Variants in CLASP2 observed in about 807,000 individuals in gnomAD.
CLASP2 encodes the protein cytoplasmic linker associated protein 2.
CLASP2 carries 47 observed loss-of-function variants against 194.4 expected under a neutral mutation model. That is an observed-to-expected ratio of 0.24 (90% CI 0.19 to 0.31). CLASP2 has a LOEUF of 0.31. Ranked by LOEUF, CLASP2 falls within the 10% of genes least tolerant of loss-of-function variation. The probability of loss-of-function intolerance (pLI) is 1.00; values close to 1 mark genes in which losing one functional copy is unlikely to be tolerated. For synonymous variants in CLASP2, 619 were observed against 633.5 expected (o/e 0.98, Z 0.34); for missense variants, 1,445 against 1,823.6 (o/e 0.79, Z 3.78).
At chr3:33,526,080 CTT>C (rs530958434) in intron 34 of CLASP2, among the ~76,000 whole-genome samples, 17 of 144,298 alleles carry the variant, frequency 1.2e-4, no homozygotes, top group Admixed American at 1.4e-4. Context: ...GCTGCTTCTT[CTT>C]TTTTTTTTTT....
rs186749622 is a variant in CLASP2 at position 33,708,517 on chromosome 3, T to C, written c.195+9291A>G. Among the ~76,000 whole-genome samples the C allele has an allele frequency of 6.4e-3, 729 of 113,044 alleles. 5 individuals are homozygous for C. The highest frequency in any genetic ancestry group is 0.011 in the Admixed American group (107 of 9,710). The allele number at this position is 113,044 out of a possible 152,430, so 74.2% of individuals were successfully genotyped here. On this transcript the variant is annotated intron_variant, in intron 1 of 38. Transcript: ENST00000682230. Reference sequence around the variant, plus strand: ...ATATATATATATATGTATATATATGTATATATGTATATATATATGTATATA... The same window carrying C: ...ATATATATATATATGTATATATATGCATATATGTATATATATATGTATATA...
intron 30 of CLASP2, among the ~76,000 whole-genome samples, chr3:33,546,663 G>A (rs1576244658): frequency 6.6e-6 from 1 of 152,118 alleles, no homozygotes; most frequent in East Asian, 1.9e-4. Flanking sequence ...ATTTTCTAGT[G>A]ATTTCTTACA....
At position 33,606,874 on chromosome 3, in the gene CLASP2, A is replaced by T. The variant is rs115269715; in HGVS notation, c.1527-116T>A. 5.2e-3 allele frequency: 3,871 copies of T among 747,850 alleles called. 104 individuals carry two copies. The African/African-American group carries it at 0.061, about 12-fold the overall frequency. The allele number at this position is 747,850 out of a possible 1,614,324, so 46.3% of individuals were successfully genotyped here. ...GCCCACTGGTTTTCAGCATTATCTGATATTTGTCAGGTGAACACTTTCTAA... is the reference window on the plus strand; with the variant it reads ...GCCCACTGGTTTTCAGCATTATCTGTTATTTGTCAGGTGAACACTTTCTAA... On this transcript the variant is annotated intron_variant, in intron 15 of 38. Transcript: ENST00000682230.
At chr3:33,667,861 T>C (rs1254062043) in intron 6 of CLASP2, among the ~76,000 whole-genome samples, 2 of 152,218 alleles carry the variant, frequency 1.3e-5, no homozygotes, top group Non-Finnish European at 1.5e-5. Context: ...GCTAGTACCA[T>C]ACCACCAGAA....
At chr3:33,634,524 G>T (rs1559472832) in intron 8 of CLASP2, among the ~76,000 whole-genome samples, 1 of 152,152 alleles carries the variant, frequency 6.6e-6, no homozygotes, top group Non-Finnish European at 1.5e-5. Context: ...CTCACACACT[G>T]GTGTAGACAG....
At chr3:33,689,039 C>T (rs1402407772) in intron 3 of CLASP2, among the ~76,000 whole-genome samples, 6 of 152,024 alleles carry the variant, frequency 3.9e-5, no homozygotes, top group Admixed American at 2.6e-4. Context: ...CACCTTTACC[C>T]TTTACTAAAT....
intron 2 of CLASP2, among the ~76,000 whole-genome samples, chr3:33,690,471 G>GTAA (rs2154348047): frequency 1.3e-5 from 2 of 152,296 alleles, no homozygotes; most frequent in South Asian, 4.2e-4. Flanking sequence ...AGGGCACAGA[G>GTAA]TAAGCACTTT....
chr3:33,627,835 G>C (rs750478205), intron 9 of CLASP2, among the ~76,000 whole-genome samples: 4 of 152,132 alleles, frequency 2.6e-5, no homozygotes, highest in Non-Finnish European at 5.9e-5. Context: ...GAATGTGTAG[G>C]ATATCATTAG....
At chr3:33,568,553 C>CAAAA (rs568821764) in intron 26 of CLASP2, among the ~76,000 whole-genome samples, 15 of 56,828 alleles carry the variant, frequency 2.6e-4, no homozygotes, top group South Asian at 7.0e-4. Context: ...GATCTTGTCT[C>CAAAA]AAAAAAAAAA....
intron 25 of CLASP2, among the ~76,000 whole-genome samples, 180 bp downstream of exon 25, chr3:33,572,930 T>C (rs2064088436): frequency 6.6e-6 from 1 of 150,900 alleles, no homozygotes; most frequent in Admixed American, 6.6e-5. Flanking sequence ...TTTTTTTTTT[T>C]AGTAATGAAA....
At chr3:33,556,911 T>C (rs1053386589) in intron 29 of CLASP2, among the ~76,000 whole-genome samples, 6 of 152,178 alleles carry the variant, frequency 3.9e-5, no homozygotes, top group African/African-American at 1.4e-4. Flanking sequence ...ATCTTCGCTT[T>C]GTCTTTCTCT....
chr3:33,684,462 A>T lies in CLASP2; in HGVS notation c.547-6T>A. ...AATATTGCAGCATCTCTCACCTGTC[A>T]AAGAATTCAGAACTTTTTAATAAAC... On this transcript the variant is annotated splice_polypyrimidine_tract_variant and splice_region_variant and intron_variant, in intron 5 of 38. Transcript: ENST00000682230. The T allele has an allele frequency of 6.4e-7, 1 of 1,565,584 alleles. No homozygotes were observed. Among genetic ancestry groups the T allele is most frequent in the Admixed American group, 1.8e-5 (1 of 54,794 alleles).
intron 29 of CLASP2, among the ~76,000 whole-genome samples, chr3:33,552,199 A>C (rs1576328981): frequency 1.3e-5 from 2 of 148,516 alleles, no homozygotes; most frequent in African/African-American, 5.0e-5. Flanking sequence ...GCTCACTGAA[A>C]CCTCCGTCTC....
At position 33,688,283 on chromosome 3, in the gene CLASP2, A is replaced by T; in HGVS notation, c.464T>A (p.Leu155Ter). The change falls in exon 4 of 39, where the codon TTA (leucine) becomes TAA (stop). Residue 155 changes from leucine (L) to a stop codon, truncating the protein, a stop_gained. Coordinates refer to ENST00000682230, the MANE Select transcript of CLASP2 (RefSeq NM_001365631.1). LOFTEE classifies it high-confidence loss of function. The stretch of plus-strand genomic sequence containing the variant: ...CAGTAATCATAAAACTTACATGTTT[A>T]AGGTTTCAATAAGACACAGACACAC... ...EGVCLCLIET[L>*]NIFGAQPLVI... 6.4e-7 allele frequency: 1 copy of T among 1,564,400 alleles called. No individual in the cohort carries two copies. The highest frequency in any genetic ancestry group is 8.6e-7 in the Non-Finnish European group (1 of 1,156,952).
At chr3:33,676,907 A>T (rs2088777725) in intron 6 of CLASP2, among the ~76,000 whole-genome samples, 1 of 152,246 alleles carries the variant, frequency 6.6e-6, no homozygotes, top group Admixed American at 6.5e-5. Context: ...ATGAACAGAC[A>T]CTTCTCAAAA....
At chr3:33,601,352 A>C (rs1403889260) in intron 18 of CLASP2, among the ~76,000 whole-genome samples, 1 of 152,106 alleles carries the variant, frequency 6.6e-6, no homozygotes, top group East Asian at 1.9e-4. Flanking sequence ...TATTTGTTTG[A>C]TTATAGCTAA....
rs756616280 is a variant in CLASP2 at position 33,603,052 on chromosome 3, A to G, written c.1824T>C (p.Asn608=). ...GATGTGCCTTGGCACCTGCAGCAGC[A>G]TTCACATCAATGTCACTTCGTGAAC... The part of the protein sequence containing the change: ...LQRSRSDIDV[N]AAAGAKAHHA... Residue 608 remains asparagine (N), a synonymous_variant, in exon 18 of 39, where the codon AAT becomes AAC. Coordinates refer to ENST00000682230, the MANE Select transcript of CLASP2 (RefSeq NM_001365631.1). 6.2e-7 allele frequency: 1 copy of G among 1,602,352 alleles called. No individual in the cohort carries two copies. The highest frequency in any genetic ancestry group is 8.5e-7 in the Non-Finnish European group (1 of 1,174,090).
intron 7 of CLASP2, among the ~76,000 whole-genome samples, chr3:33,646,307 T>A (rs1004135174): frequency 3.0e-4 from 46 of 151,962 alleles, no homozygotes; most frequent in Admixed American, 3.0e-3. Context: ...AAATAGACAC[T>A]CTAAAGTCAC....
intron 1 of CLASP2, among the ~76,000 whole-genome samples, chr3:33,712,103 G>A (rs770156816): frequency 6.6e-6 from 1 of 152,158 alleles, no homozygotes; most frequent in Non-Finnish European, 1.5e-5. Flanking sequence ...GCAAAGATAT[G>A]GAACCAACCT....
Sources: gnomAD v4.1 joint callset for allele counts (sites outside exome capture counted in the v4.1 genomes callset) on GRCh38, gnomAD v4.1.1 for gene constraint, MANE v1.5 for transcripts, NCBI Gene and HGNC (gene_info 2026-07-23, HGNC 2026-07-21) for gene names.